PM20D2: variants seen among roughly 807,000 people sequenced by gnomAD.
PM20D2 encodes peptidase M20 domain containing 2.
Under a neutral mutation model 42.9 loss-of-function variants are expected in PM20D2, and 33 were observed. That is an observed-to-expected ratio of 0.77 (90% CI 0.58 to 1.03). PM20D2 has a LOEUF of 1.03. Among genes scored for constraint, PM20D2 ranks in the 50% least tolerant of loss-of-function variants. PM20D2 has a pLI of 0.00. For missense variants in PM20D2, 548 were observed against 557.0 expected, an observed-to-expected ratio of 0.98 and a Z score of 0.16; for synonymous variants, 250 against 228.2, an observed-to-expected ratio of 1.10 and a Z score of -0.86.
chr6:89,107,153 T>C, the PM20D2 span: 1 of 1,613,264 alleles, frequency 6.2e-7, no homozygotes, highest in Non-Finnish European at 8.5e-7. Context: ...ATAAAGGATA[T>C]TGAACATAAG....
the PM20D2 span, among the ~76,000 whole-genome samples, chr6:89,139,707 C>CAAAT: frequency 6.6e-6 from 1 of 151,956 alleles, no homozygotes; most frequent in African/African-American, 2.4e-5. Context: ...GACCCTGTCT[C>CAAAT]AAATAAATAA....
Position 89,162,634 on chromosome 6 carries a change from TA to T in PM20D2, c.*375del. The T allele has an allele frequency of 6.1e-6, 1 of 163,098 alleles. No individual in the cohort carries two copies. Among genetic ancestry groups the T allele is most frequent in the Non-Finnish European group, 1.3e-5 (1 of 75,084 alleles). The allele number at this position is 163,098 out of a possible 1,614,324, so 10.1% of individuals were successfully genotyped here. ...AAGCCTTAAATGTTATGTGTATTTT[TA>T]AAAGCTTAAGAGATTTCAAACCTTA... On this transcript the variant is annotated 3_prime_UTR_variant, in exon 7 of 7. Transcript: ENST00000275072.
the PM20D2 span, among the ~76,000 whole-genome samples, chr6:89,131,534 A>G: frequency 1.3e-3 from 194 of 151,640 alleles, 1 homozygote; most frequent in Non-Finnish European, 2.5e-3. Flanking sequence ...TTTTTTTTTA[A>G]TTAAAAAATA....
intron 3 of PM20D2, among the ~76,000 whole-genome samples, chr6:89,154,414 T>C (rs1196356155): frequency 6.6e-6 from 1 of 152,196 alleles, no homozygotes; most frequent in Non-Finnish European, 1.5e-5. Flanking sequence ...TAAAATCTTT[T>C]CCAGAAAGCT....
intron 4 of PM20D2, among the ~76,000 whole-genome samples, chr6:89,157,762 T>C (rs1239897408): frequency 6.6e-6 from 1 of 152,204 alleles, no homozygotes; most frequent in Non-Finnish European, 1.5e-5. Context: ...CCCAGCACTT[T>C]GGGAGGCCGA....
At chr6:89,113,645 G>T in the PM20D2 span, among the ~76,000 whole-genome samples, 141 of 152,108 alleles carry the variant, frequency 9.3e-4, 1 homozygote, top group African/African-American at 3.2e-3. Flanking sequence ...AAATGTTAAA[G>T]CCTATTTATT....
At chr6:89,112,881 A>G in the PM20D2 span, among the ~76,000 whole-genome samples, 1 of 152,144 alleles carries the variant, frequency 6.6e-6, no homozygotes, top group African/African-American at 2.4e-5. Context: ...CTTTTACACC[A>G]TATTTTTAGT....
chr6:89,132,919 AT>A, the PM20D2 span, among the ~76,000 whole-genome samples: 1 of 150,114 alleles, frequency 6.7e-6, no homozygotes, highest in Non-Finnish European at 1.5e-5. Context: ...ATTTTTTAGC[AT>A]TTTAAAAACT....
At chr6:89,117,820 C>T in the PM20D2 span, 1 of 1,553,518 alleles carries the variant, frequency 6.4e-7, no homozygotes, top group African/African-American at 1.4e-5. Context: ...CGCGGCCGTT[C>T]ACCTGGTGGC....
At chr6:89,141,241 C>T (rs1464519224), upstream of PM20D2, among the ~76,000 whole-genome samples, 1 of 152,160 alleles carries the variant, frequency 6.6e-6, no homozygotes. Context: ...TCTCTTTCCC[C>T]CTTTCTCTGG....
the PM20D2 span, among the ~76,000 whole-genome samples, chr6:89,130,876 AG>A: frequency 9.4e-6 from 1 of 106,286 alleles, no homozygotes; most frequent in Middle Eastern, 9.8e-3. Flanking sequence ...TCTGTTGCCC[AG>A]GCTGGGTTGG....
At chr6:89,106,956 C>G in the PM20D2 span, 5 of 625,940 alleles carry the variant, frequency 8.0e-6, no homozygotes, top group Non-Finnish European at 1.5e-5. Context: ...TGGGTTTATG[C>G]TTGGATTCTA....
At chr6:89,124,800 G>T in the PM20D2 span, among the ~76,000 whole-genome samples, 1 of 137,572 alleles carries the variant, frequency 7.3e-6, no homozygotes, top group African/African-American at 2.6e-5. Flanking sequence ...CAGTGGTGCA[G>T]TCATGGCTCA....
At chr6:89,101,688 ACT>A in the PM20D2 span, among the ~76,000 whole-genome samples, 1 of 133,120 alleles carries the variant, frequency 7.5e-6, no homozygotes, top group Non-Finnish European at 1.6e-5. Flanking sequence ...ACAGAGTGAG[ACT>A]CTGTCTCAAA....
the PM20D2 span, chr6:89,105,126 G>C: frequency 6.2e-7 from 1 of 1,611,624 alleles, no homozygotes; most frequent in Non-Finnish European, 8.5e-7. Context: ...CACTCTTTAA[G>C]GCTGTCTGAC....
chr6:89,139,958 G>T, the PM20D2 span, among the ~76,000 whole-genome samples: 5 of 152,124 alleles, frequency 3.3e-5, no homozygotes, highest in African/African-American at 1.2e-4. Flanking sequence ...CTCAAGTCTG[G>T]CCTAAAGATA....
At chr6:89,105,794 G>A in the PM20D2 span, 1,268 of 210,462 alleles carry the variant, frequency 6.0e-3, 16 homozygotes, top group African/African-American at 0.028. Flanking sequence ...ACAATAGTGT[G>A]GCTGCAGTAT....
At chr6:89,107,224 C>A in the PM20D2 span, 1 of 1,614,000 alleles carries the variant, frequency 6.2e-7, no homozygotes, top group Non-Finnish European at 8.5e-7. Flanking sequence ...ACTATAGGGC[C>A]ATATCGACCA....
chr6:89,118,351 T>C, the PM20D2 span, among the ~76,000 whole-genome samples: 1 of 152,126 alleles, frequency 6.6e-6, no homozygotes, highest in Non-Finnish European at 1.5e-5. Context: ...GAGAGCCGCT[T>C]TCAACCGCGC....
Sources: gnomAD v4.1 joint callset for allele counts (sites outside exome capture counted in the v4.1 genomes callset) on GRCh38, gnomAD v4.1.1 for gene constraint, MANE v1.5 for transcripts, NCBI Gene and HGNC (gene_info 2026-07-23, HGNC 2026-07-21) for gene names.